DIP2B: variants seen among roughly 807,000 people sequenced by gnomAD.
DIP2B encodes DIP2 acetate--CoA ligase B (putative), also known as disco-interacting protein 2 homolog B.
In DIP2B, 76 loss-of-function variants were observed where a neutral mutation model predicts 198.0. The ratio of observed to expected loss-of-function variants is 0.38; its 90% CI spans 0.32 to 0.46. DIP2B has a LOEUF of 0.46. DIP2B is among the 20% of genes least tolerant of loss of function. The pLI is 0.99. For missense variants in DIP2B, 1,559 were observed against 1,978.4 expected, an observed-to-expected ratio of 0.79 and a Z score of 4.02; for synonymous variants, 701 against 739.1, an observed-to-expected ratio of 0.95 and a Z score of 0.84.
At chr12:50,631,691 C>T (rs970938985) in intron 2 of DIP2B, among the ~76,000 whole-genome samples, 1 of 152,198 alleles carries the variant, frequency 6.6e-6, no homozygotes, top group South Asian at 2.1e-4. Context: ...CCTCAGCCTC[C>T]CAAAGTCCTT....
At chr12:50,629,740 G>A (rs754159974) in intron 2 of DIP2B, among the ~76,000 whole-genome samples, 3 of 151,870 alleles carry the variant, frequency 2.0e-5, no homozygotes, top group Non-Finnish European at 4.4e-5. Flanking sequence ...ACCCCTCCCT[G>A]CATGCATTCT....
At chr12:50,731,304 G>A in intron 30 of DIP2B, 65 bp from the exon 31 acceptor site, 1 of 1,557,516 alleles carries the variant, frequency 6.4e-7, no homozygotes, top group African/African-American at 1.4e-5. Flanking sequence ...GGAATTGGTG[G>A]GGTTCTGAAG....
chr12:50,571,815 C>T (rs1210818660), intron 1 of DIP2B, among the ~76,000 whole-genome samples: 2 of 152,184 alleles, frequency 1.3e-5, no homozygotes, highest in Non-Finnish European at 1.5e-5. Flanking sequence ...GCCTCGGCCT[C>T]CCAAAATGTG....
chr12:50,686,671 G>C lies in DIP2B; in HGVS notation c.1540G>C (p.Ala514Pro). 1 of 1,613,776 alleles carries C rather than the reference G, an allele frequency of 6.2e-7. No homozygotes were observed. Among genetic ancestry groups the C allele is most frequent in the Non-Finnish European group, 8.5e-7 (1 of 1,179,862 alleles). Residue 514 changes from alanine (A) to proline (P), a missense_variant, in exon 12 of 38, where the codon GCA (alanine) becomes CCA (proline). Ala to Pro is a conservative substitution (Grantham distance 27). Transcript: ENST00000301180. Reference protein sequence around the residue: ...PHISPAGTEPAYIEYKTSKEG... With the variant: ...PHISPAGTEPPYIEYKTSKEG... ...CATCTCACCTGCTGGGACAGAACCG[G>C]CATACATTGAGGTAAGTCCTAAGAT...
At chr12:50,725,306 T>G (rs1939912057) in intron 28 of DIP2B, among the ~76,000 whole-genome samples, 1 of 152,222 alleles carries the variant, frequency 6.6e-6, no homozygotes, top group Non-Finnish European at 1.5e-5. Flanking sequence ...TGTGTAATCT[T>G]GACTGAAATT....
chr12:50,604,358 A>G (rs1958964409), intron 1 of DIP2B, among the ~76,000 whole-genome samples: 1 of 152,218 alleles, frequency 6.6e-6, no homozygotes, highest in Non-Finnish European at 1.5e-5. Flanking sequence ...GTGTATATAT[A>G]TGCATTACAT....
intron 1 of DIP2B, among the ~76,000 whole-genome samples, chr12:50,579,078 G>T (rs1303576093): frequency 6.6e-6 from 1 of 152,056 alleles, no homozygotes; most frequent in African/African-American, 2.4e-5. Context: ...GTACAATTCT[G>T]TGTTGTGTCA....
chr12:50,670,723 A>T (rs1305513442), intron 4 of DIP2B, among the ~76,000 whole-genome samples: 1 of 152,126 alleles, frequency 6.6e-6, no homozygotes, highest in African/African-American at 2.4e-5. Context: ...GGCCTGGCAC[A>T]TACGTTTTTA....
At chr12:50,557,541 C>A (rs1363440035) in intron 1 of DIP2B, among the ~76,000 whole-genome samples, 1 of 152,188 alleles carries the variant, frequency 6.6e-6, no homozygotes, top group African/African-American at 2.4e-5. Context: ...CCTTCCTAGG[C>A]AGAGGACATC....
At chr12:50,645,700 C>A (rs1002746685) in intron 3 of DIP2B, among the ~76,000 whole-genome samples, 2 of 152,078 alleles carry the variant, frequency 1.3e-5, no homozygotes, top group Non-Finnish European at 2.9e-5. Context: ...TTTAAGCAAT[C>A]CTCCCGCCTT....
chr12:50,642,557 A>G (rs533063166), intron 3 of DIP2B, among the ~76,000 whole-genome samples: 1 of 152,260 alleles, frequency 6.6e-6, no homozygotes, highest in East Asian at 1.9e-4. Flanking sequence ...AGGCCAAGGT[A>G]GGTGGATCAC....
chr12:50,683,651 C>T (rs577803574), intron 10 of DIP2B, among the ~76,000 whole-genome samples: 25 of 152,038 alleles, frequency 1.6e-4, no homozygotes, highest in African/African-American at 5.8e-4. Flanking sequence ...GGCGTGGTGG[C>T]GGGCGCCTGT....
At chr12:50,733,088 T>C (rs1258896027) in intron 32 of DIP2B, among the ~76,000 whole-genome samples, 1 of 151,802 alleles carries the variant, frequency 6.6e-6, no homozygotes, top group Non-Finnish European at 1.5e-5. Context: ...GTATTTTTAG[T>C]AGAGACAGGG....
intron 1 of DIP2B, among the ~76,000 whole-genome samples, chr12:50,543,924 TAAAAAAAAA>T (rs781505789): frequency 4.0e-5 from 4 of 101,162 alleles, no homozygotes; most frequent in African/African-American, 1.6e-4. Flanking sequence ...ACTCAGCCTT[TAAAAAAAAA>T]AAAAAAAAAA....
intron 1 of DIP2B, among the ~76,000 whole-genome samples, chr12:50,584,833 G>A (rs11169501): frequency 6.6e-6 from 1 of 152,096 alleles, no homozygotes; most frequent in Non-Finnish European, 1.5e-5. Context: ...TAAAGTGTTG[G>A]AATTACAGGC....
At chr12:50,704,092 T>G (rs1939470923) in intron 19 of DIP2B, 48 bp from the exon 20 acceptor site, 1 of 1,563,634 alleles carries the variant, frequency 6.4e-7, no homozygotes, top group Non-Finnish European at 8.7e-7. Context: ...TCACATATAC[T>G]TTCTAAGAAA....
At position 50,698,354 on chromosome 12, in the gene DIP2B, C is replaced by T; in HGVS notation, c.2075C>T (p.Pro692Leu). The T allele has an allele frequency of 6.2e-7, 1 of 1,613,126 alleles. No homozygotes were observed. Among genetic ancestry groups the T allele is most frequent in the Non-Finnish European group, 8.5e-7 (1 of 1,179,512 alleles). The change falls in exon 18 of 38, where the codon CCA becomes CTA. Residue 692 changes from proline (P) to leucine (L), a missense_variant. Coordinates refer to ENST00000301180, the MANE Select transcript of DIP2B (RefSeq NM_173602.3). ...RRPGVPGAPLPGRAILSMNGL... is the reference protein window; with the variant it reads ...RRPGVPGAPLLGRAILSMNGL... ...CCTGGAGTTCCAGGAGCCCCTTTGC[C>T]AGGAAGAGCCATTCTCTCAATGAAT...
At chr12:50,536,496 C>A (rs1958268732) in intron 1 of DIP2B, among the ~76,000 whole-genome samples, 1 of 151,992 alleles carries the variant, frequency 6.6e-6, no homozygotes, top group African/African-American at 2.4e-5. Flanking sequence ...AACCATCATT[C>A]CCTAATTTAT....
At chr12:50,662,510 A>G (rs1470103322) in intron 4 of DIP2B, among the ~76,000 whole-genome samples, 1 of 152,198 alleles carries the variant, frequency 6.6e-6, no homozygotes, top group East Asian at 1.9e-4. Context: ...CATTTTAGGG[A>G]GTAGAATTTG....
Sources: allele counts gnomAD v4.1 joint callset (sites outside exome capture counted in the v4.1 genomes callset), GRCh38; gene constraint gnomAD v4.1.1; transcripts MANE v1.5; gene names NCBI Gene and HGNC (gene_info 2026-07-23, HGNC 2026-07-21).